The following GCLC variants were observed in gnomAD, a reference collection of about 807,000 sequenced individuals.
GCLC encodes the protein glutamate-cysteine ligase catalytic subunit.
A neutral mutation model predicts 81.5 loss-of-function variants in GCLC; 30 were observed. That is an observed-to-expected ratio of 0.37 (90% CI 0.28 to 0.50). GCLC has a LOEUF of 0.50. Among genes scored for constraint, GCLC ranks in the 20% least tolerant of loss-of-function variants. The pLI is 0.96. For missense variants in GCLC, 556 were observed against 777.4 expected, an observed-to-expected ratio of 0.72 and a Z score of 3.39; for synonymous variants, 262 against 273.3, an observed-to-expected ratio of 0.96 and a Z score of 0.41.
intron 1 of GCLC, among the ~76,000 whole-genome samples, chr6:53,544,038 A>G (rs1474333163): frequency 6.6e-6 from 1 of 152,230 alleles, no homozygotes; most frequent in Non-Finnish European, 1.5e-5. Flanking sequence ...TGCATGAGGT[A>G]GGGCAGAAGT....
intron 12 of GCLC, 71 bp from the exon 13 acceptor site, chr6:53,500,584 T>A (rs1764491891): frequency 1.9e-6 from 2 of 1,054,404 alleles, no homozygotes; most frequent in East Asian, 2.4e-5. Context: ...AGCACCTTCC[T>A]CACCTTTGCA....
chr6:53,526,642 C>G (rs749492907), intron 1 of GCLC, among the ~76,000 whole-genome samples: 4 of 151,732 alleles, frequency 2.6e-5, no homozygotes, highest in Non-Finnish European at 5.9e-5. Context: ...ACTAAAAATA[C>G]AAAAAATTAG....
At chr6:53,520,637 G>C in intron 3 of GCLC, 141 bp downstream of exon 3, 1 of 779,482 alleles carries the variant, frequency 1.3e-6, no homozygotes, top group Non-Finnish European at 2.3e-6. Flanking sequence ...CTGTTACAGA[G>C]TCTATCAAGT....
chr6:53,511,555 G>C (rs1764741790), intron 6 of GCLC, among the ~76,000 whole-genome samples: 1 of 152,112 alleles, frequency 6.6e-6, no homozygotes, highest in Non-Finnish European at 1.5e-5. Context: ...CAACCCCAGA[G>C]AAGTATACAA....
intron 1 of GCLC, among the ~76,000 whole-genome samples, chr6:53,539,376 G>A (rs1218171530): frequency 1.3e-5 from 2 of 152,162 alleles, no homozygotes; most frequent in Non-Finnish European, 2.9e-5. Flanking sequence ...GGCATCTGTA[G>A]GCTGATCTTG....
chr6:53,521,769 G>A (rs1180106607), intron 2 of GCLC, among the ~76,000 whole-genome samples: 1 of 152,020 alleles, frequency 6.6e-6, no homozygotes, highest in African/African-American at 2.4e-5. Flanking sequence ...GTCAGGAAAT[G>A]GAGACCATCC....
intron 1 of GCLC, among the ~76,000 whole-genome samples, chr6:53,543,991 A>G (rs510088): frequency 0.74 from 113,053 of 152,066 alleles, 42,331 homozygotes; most frequent in East Asian, 0.92. Flanking sequence ...GAGGGGAGGG[A>G]AGATGAGAAG....
At chr6:53,503,111 G>C (rs1347905486) in intron 12 of GCLC, 1 of 152,050 alleles carries the variant, frequency 6.6e-6, no homozygotes, top group Non-Finnish European at 1.5e-5. Flanking sequence ...TAGAAAGTAG[G>C]GCCTTTGGGA....
intron 1 of GCLC, among the ~76,000 whole-genome samples, chr6:53,532,757 A>G (rs1763194022): frequency 6.6e-6 from 1 of 152,022 alleles, no homozygotes; most frequent in Non-Finnish European, 1.5e-5. Context: ...CAAAGGCCTA[A>G]AAACAGAATC....
At chr6:53,540,778 T>C (rs998470395) in intron 1 of GCLC, among the ~76,000 whole-genome samples, 2 of 151,606 alleles carry the variant, frequency 1.3e-5, no homozygotes, top group South Asian at 2.1e-4. Flanking sequence ...TGAAAAATAA[T>C]GCTCTTACAA....
chr6:53,538,136 C>CTTTTTTTT lies in GCLC; in HGVS notation c.150+6352_150+6359dup, dbSNP rs10588842. ...AGCTAGGCATTTTCTTTTTTCTTTC[C>CTTTTTTTT]TTTTTTTTTTTTTTTTTTTTTTTTT... On this transcript the variant is annotated intron_variant, in intron 1 of 15. Coordinates refer to ENST00000650454, the MANE Select transcript of GCLC (RefSeq NM_001498.4). Among the ~76,000 whole-genome samples, 11 of 78,910 alleles carry CTTTTTTTT rather than the reference C, an allele frequency of 1.4e-4. 1 individual carries two copies. The highest frequency in any genetic ancestry group is 4.2e-4 in the East Asian group (1 of 2,378). 51.8% of individuals were successfully genotyped at this position (78,910 alleles called of 152,430 possible).
intron 6 of GCLC, 77 bp downstream of exon 6, chr6:53,514,127 G>A (rs1764811220): frequency 1.5e-6 from 2 of 1,370,750 alleles, no homozygotes; most frequent in Admixed American, 1.7e-5. Flanking sequence ...TTTGGAACAG[G>A]AAACATGCAT....
chr6:53,543,381 T>C (rs901186999), intron 1 of GCLC, among the ~76,000 whole-genome samples: 14 of 151,912 alleles, frequency 9.2e-5, no homozygotes, highest in African/African-American at 3.1e-4. Context: ...TTACTAGTCA[T>C]CATACTTTCC....
intron 4 of GCLC, among the ~76,000 whole-genome samples, chr6:53,515,513 G>A (rs1047155443): frequency 1.3e-5 from 2 of 152,236 alleles, no homozygotes; most frequent in Admixed American, 1.3e-4. Flanking sequence ...ACGCTGAGAA[G>A]TCTCCATGTT....
intron 1 of GCLC, among the ~76,000 whole-genome samples, chr6:53,540,669 A>C (rs1281976402): frequency 2.1e-5 from 2 of 95,286 alleles, no homozygotes; most frequent in Middle Eastern, 5.1e-3. Flanking sequence ...GTGTCTTGCC[A>C]CACACACACA....
chr6:53,522,448 G>A lies in GCLC; in HGVS notation c.230C>T (p.Thr77Ile). 6.2e-7 allele frequency: 1 copy of A among 1,611,134 alleles called. No homozygotes were observed. The highest frequency in any genetic ancestry group is 8.5e-7 in the Non-Finnish European group (1 of 1,177,298). ...LVLSGEKVLE[T>I]LQEKGERTNP... Reference sequence around the variant, plus strand: ...TGTCCTTTCCCCCTTCTCTTGCAGAGTTTCAAGAACTTTCTCCCCAGACAG... The same window carrying A: ...TGTCCTTTCCCCCTTCTCTTGCAGAATTTCAAGAACTTTCTCCCCAGACAG... Residue 77 changes from threonine (T) to isoleucine (I), a missense_variant, in exon 2 of 16, where the codon ACT becomes ATT. Thr to Ile is a moderately conservative substitution (Grantham distance 89). This residue lies in a region of GCLC where 234 missense variants were observed against 303.8 expected (regional missense o/e 0.77). Transcript: ENST00000650454.
chr6:53,532,557 G>GA (rs940994191), intron 1 of GCLC, among the ~76,000 whole-genome samples: 3 of 152,184 alleles, frequency 2.0e-5, no homozygotes, highest in Non-Finnish European at 4.4e-5. Context: ...AAGTCTGCTG[G>GA]AAAACAGCAG....
chr6:53,502,806 G>A (rs1764538405), intron 12 of GCLC, among the ~76,000 whole-genome samples: 1 of 151,966 alleles, frequency 6.6e-6, no homozygotes, highest in African/African-American at 2.4e-5. Flanking sequence ...ATGTTCTATG[G>A]GCTATTGTTT....
In GCLC at chr6:53,544,849, G is replaced by T. The variant is rs953796431; in HGVS notation, c.-204C>A. ...CTGGCGCCCAGGTGACAGACCCTGG[G>T]TCCGACGCACCGCGCGGAGGCGAAG... On this transcript the variant is annotated 5_prime_UTR_variant, in exon 1 of 16. Transcript: ENST00000650454. 4.6e-6 allele frequency: 2 copies of T among 439,018 alleles called. No homozygotes were observed. Among genetic ancestry groups the T allele is most frequent in the East Asian group, 8.0e-5 (2 of 24,980 alleles). 27.2% of individuals were successfully genotyped at this position (439,018 alleles called of 1,614,324 possible).
Sources: allele counts gnomAD v4.1 joint callset (sites outside exome capture counted in the v4.1 genomes callset), GRCh38; gene constraint gnomAD v4.1.1; regional missense constraint gnomAD v4.1.1; transcripts MANE v1.5; gene names NCBI Gene and HGNC (gene_info 2026-07-23, HGNC 2026-07-21).